GPR135: variants seen among roughly 807,000 people sequenced by gnomAD.
GPR135 encodes G-protein coupled receptor 135.
Under a neutral mutation model 15.0 loss-of-function variants are expected in GPR135, and 17 were observed. That is an observed-to-expected ratio of 1.13 (90% CI 0.78 to 1.70). The LOEUF is 1.70. GPR135 is among the 40% of genes most tolerant of loss of function. The pLI is 0.00. For missense variants in GPR135, 776 were observed against 727.0 expected, an observed-to-expected ratio of 1.07 and a Z score of -0.78; for synonymous variants, 368 against 349.4, an observed-to-expected ratio of 1.05 and a Z score of -0.59.
In GPR135 at chr14:59,464,190, G is replaced by T. The variant is rs751542766; in HGVS notation, c.1037C>A (p.Pro346His). 1.7e-5 allele frequency: 27 copies of T among 1,609,270 alleles called. 1 individual carries two copies. In the South Asian group the frequency reaches 3.0e-4, roughly 18 times the overall value. Residue 346 changes from proline (P) to histidine (H), a missense_variant, in exon 1 of 1, where the codon CCC becomes CAC. Transcript: ENST00000395116. ...GGCCAGCAGCACCAGGAAGCAGTAG[G>T]GCCCCCAGCAGCAGATGACGAAGAC... is the stretch of plus-strand genomic sequence containing the variant. Reference protein sequence around the residue: ...MIVFVICCWGPYCFLVLLAAA... With the variant: ...MIVFVICCWGHYCFLVLLAAA...
rs200520280 is a variant in GPR135 at position 59,463,920 on chromosome 14, T to C, written c.1307A>G (p.Asn436Ser). 2.7e-5 allele frequency: 44 copies of C among 1,614,026 alleles called. No individual in the cohort carries two copies. In the East Asian group the frequency reaches 9.8e-4, roughly 36 times the overall value. ...SRSRLRNRYANRLGACNRMSS... is the reference protein window; with the variant it reads ...SRSRLRNRYASRLGACNRMSS... ...CATCCTGTTGCAGGCCCCCAGCCGG[T>C]TGGCATAGCGGTTTCGAAGGCGACT... The change falls in exon 1 of 1, where the codon AAC (asparagine) becomes AGC (serine). Residue 436 changes from asparagine (N) to serine (S), a missense_variant. Physicochemically the swap from Asn to Ser is conservative, Grantham distance 46. Coordinates refer to ENST00000395116, the MANE Select transcript of GPR135 (RefSeq NM_022571.6).
At position 59,465,125 on chromosome 14, in the gene GPR135, G is replaced by A. The variant is rs111740506; in HGVS notation, c.102C>T (p.Ser34=). 9,013 of 1,379,626 alleles carry A rather than the reference G, an allele frequency of 6.5e-3. 476 individuals are homozygous for A. In the African/African-American group the frequency reaches 0.12, roughly 18 times the overall value. The allele number at this position is 1,379,626 out of a possible 1,614,324, so 85.5% of individuals were successfully genotyped here. ...PSAAGPPGGT[S]SAATAAVLSF... Reference sequence around the variant, plus strand: ...AGAGCACGGCCGCCGTGGCCGCGGAGGAAGTCCCGCCAGGTGGGCCGGCCG... The same window carrying A: ...AGAGCACGGCCGCCGTGGCCGCGGAAGAAGTCCCGCCAGGTGGGCCGGCCG... The change falls in exon 1 of 1, where the codon TCC becomes TCT. Residue 34 remains serine, a synonymous_variant. Transcript: ENST00000395116.
In GPR135 at chr14:59,464,998, C is replaced by T. The variant is rs1259081040; in HGVS notation, c.229G>A (p.Ala77Thr). The stretch of plus-strand genomic sequence containing the variant: ...ACCGCCGCCCCCGCCTCCCGCGCTG[C>T]CCCGGACCCGCCAAGGCCGCCGCCA... ...PGGGGLGGSGAAREAGAAVRR... is the reference protein window; with the variant it reads ...PGGGGLGGSGTAREAGAAVRR... Residue 77 changes from alanine (A) to threonine (T), a missense_variant, in exon 1 of 1, where the codon GCA becomes ACA. Coordinates refer to ENST00000395116, the MANE Select transcript of GPR135 (RefSeq NM_022571.6). The T allele has an allele frequency of 9.3e-6, 13 of 1,394,420 alleles. No individual in the cohort carries two copies. The Admixed American group carries it at 1.0e-4, about 11-fold the overall frequency. The allele number at this position is 1,394,420 out of a possible 1,614,324, so 86.4% of individuals were successfully genotyped here.
In GPR135 at chr14:59,464,424, G is replaced by A. The variant is rs764719290; in HGVS notation, c.803C>T (p.Pro268Leu). Residue 268 changes from proline to leucine, a missense_variant, in exon 1 of 1, where the codon CCG becomes CTG. Coordinates refer to ENST00000395116, the MANE Select transcript of GPR135 (RefSeq NM_022571.6). ...SFHGCLYRTS[P>L]DPAQLGAAFS... The stretch of plus-strand genomic sequence containing the variant: ...GGCCGCGCCCAGCTGCGCGGGGTCC[G>A]GGGAGGTCCGGTAGAGGCAGCCGTG... 1.9e-6 allele frequency: 3 copies of A among 1,579,812 alleles called. No homozygotes were observed. Among genetic ancestry groups the A allele is most frequent in the Admixed American group, 1.8e-5 (1 of 55,576 alleles).
chr14:59,462,589 A>T lies in GPR135; in HGVS notation c.*1153T>A, dbSNP rs1443662297. ...CTATAAAGCAACCATCAGCTATTTT[A>T]AAAAATACAAAATATACCAAATTTC... On this transcript the variant is annotated 3_prime_UTR_variant, in exon 1 of 1. Coordinates refer to ENST00000395116, the MANE Select transcript of GPR135 (RefSeq NM_022571.6). The T allele has an allele frequency of 6.6e-6, 1 of 152,166 alleles. No individual in the cohort carries two copies. The highest frequency in any genetic ancestry group is 1.5e-5 in the Non-Finnish European group (1 of 68,000). 9.4% of individuals were successfully genotyped at this position (152,166 alleles called of 1,614,324 possible).
rs963876329 is a variant in GPR135, at chr14:59,462,415, A to T, written c.*1327T>A. ...ATCTTTTCTGCTAAGATAGAAATTT[A>T]AAAAGCATCTTTGATTTGCATATTT... On this transcript the variant is annotated 3_prime_UTR_variant, in exon 1 of 1. Transcript: ENST00000395116. The T allele has an allele frequency of 7.9e-5, 12 of 152,240 alleles. No individual in the cohort carries two copies. Among genetic ancestry groups the T allele is most frequent in the Non-Finnish European group, 1.8e-4 (12 of 68,028 alleles). The allele number at this position is 152,240 out of a possible 1,614,324, so 9.4% of individuals were successfully genotyped here. A position where few individuals can be genotyped will look rare whatever the true frequency, so the allele number is the denominator to read the frequency against.
Position 59,462,518 on chromosome 14 carries a change from C to T in GPR135, c.*1224G>A, listed in dbSNP as rs1566548181. ...TTTAATACCGTTACATATAGTCCCACACCTATTCTCCCTTTAATAAATACA... is the reference window on the plus strand; with the variant it reads ...TTTAATACCGTTACATATAGTCCCATACCTATTCTCCCTTTAATAAATACA... On this transcript the variant is annotated 3_prime_UTR_variant, in exon 1 of 1. Coordinates refer to ENST00000395116, the MANE Select transcript of GPR135 (RefSeq NM_022571.6). 1.3e-5 allele frequency: 2 copies of T among 152,216 alleles called. No homozygotes were observed. The highest frequency in any genetic ancestry group is 4.1e-4 in the South Asian group (2 of 4,832). 9.4% of individuals were successfully genotyped at this position (152,216 alleles called of 1,614,324 possible).
At position 59,463,844 on chromosome 14, in the gene GPR135, G is replaced by T. The variant is rs201784647; in HGVS notation, c.1383C>A (p.Ala461=). 4.3e-6 allele frequency: 7 copies of T among 1,614,078 alleles called. No individual in the cohort carries two copies. Among genetic ancestry groups the T allele is most frequent in the East Asian group, 4.5e-5 (2 of 44,880 alleles). Residue 461 remains alanine (A), a synonymous_variant, in exon 1 of 1, where the codon GCC becomes GCA. Transcript: ENST00000395116. ...AGAAAAGTACAACTGGATTTTTGCG[G>T]GCCCACATGGCCACGTCCCCTGCCA... is the stretch of plus-strand genomic sequence containing the variant. The part of the protein sequence containing the change: ...SGVAGDVAMW[A]RKNPVVLFCR...
At chr14:59,458,523 G>T (rs1888744494), downstream of GPR135, among the ~76,000 whole-genome samples, 1 of 152,132 alleles carries the variant, frequency 6.6e-6, no homozygotes, top group African/African-American at 2.4e-5. Flanking sequence ...AATAAAATTA[G>T]TTCCTTTGGA....
intron 6 of GPR135, among the ~76,000 whole-genome samples, chr14:59,453,518 G>T (rs1379864070): frequency 6.6e-6 from 1 of 152,190 alleles, no homozygotes; most frequent in Non-Finnish European, 1.5e-5. Flanking sequence ...ATTAACAATG[G>T]TGCCTGGCAG....
In GPR135 at chr14:59,464,561, G is replaced by T. The variant is rs754412213; in HGVS notation, c.666C>A (p.Gly222=). The change falls in exon 1 of 1, where the codon GGC becomes GGA. Residue 222 remains glycine, a synonymous_variant. Coordinates refer to ENST00000395116, the MANE Select transcript of GPR135 (RefSeq NM_022571.6). The stretch of plus-strand genomic sequence containing the variant: ...CCAGCAGCTGCAGCGCGCGGCGGCG[G>T]CCGATCTTCTCCCGCGGCGGCCGCA... ...AIVRPPREKI[G]RRRALQLLAG... The T allele has an allele frequency of 3.7e-5, 58 of 1,569,646 alleles. No homozygotes were observed. Among genetic ancestry groups the T allele is most frequent in the Non-Finnish European group, 4.7e-5 (55 of 1,168,004 alleles).
chr14:59,457,791 GT>G (rs1566545652), downstream of GPR135, among the ~76,000 whole-genome samples: 1 of 152,128 alleles, frequency 6.6e-6, no homozygotes, highest in Non-Finnish European at 1.5e-5. Flanking sequence ...TAAAGAGTTT[GT>G]TAAATTTGCC....
At chr14:59,453,255 T>C (rs1456061965) in intron 6 of GPR135, among the ~76,000 whole-genome samples, 1 of 152,240 alleles carries the variant, frequency 6.6e-6, no homozygotes, top group Non-Finnish European at 1.5e-5. Context: ...TGTGTCATTG[T>C]AGGTTTATTG....
At position 59,464,787 on chromosome 14, in the gene GPR135, AG is replaced by A; in HGVS notation, c.439del (p.Leu147TyrfsTer89). The stretch of plus-strand genomic sequence containing the variant: ...GAGCAGCGCCGTGAGCAGATCCGAT[AG>A]GGACAGCGACAGGATGAAGGCGTTG... ...VTNAFILSLS[L>X]SDLLTALLCL... On this transcript the variant is annotated frameshift_variant, in exon 1 of 1. Coordinates refer to ENST00000395116, the MANE Select transcript of GPR135 (RefSeq NM_022571.6). LOFTEE classifies it high-confidence loss of function. 1 of 1,575,626 alleles carries A rather than the reference AG, an allele frequency of 6.3e-7. No homozygotes were observed.
In GPR135 at chr14:59,465,065, G is replaced by T. The variant is rs1889094518; in HGVS notation, c.162C>A (p.Asn54Lys). 4 of 1,369,220 alleles carry T rather than the reference G, an allele frequency of 2.9e-6. No individual in the cohort carries two copies. In the Admixed American group the frequency reaches 1.2e-4, roughly 42 times the overall value. 84.8% of individuals were successfully genotyped at this position (1,369,220 alleles called of 1,614,324 possible). A position where few individuals can be genotyped will look rare whatever the true frequency, so the allele number is the denominator to read the frequency against. Residue 54 changes from asparagine (N) to lysine (K), a missense_variant, in exon 1 of 1, where the codon AAC becomes AAA. Physicochemically the swap from Asn to Lys is moderately conservative, Grantham distance 94. Coordinates refer to ENST00000395116, the MANE Select transcript of GPR135 (RefSeq NM_022571.6). ...TGCCGCCTCCGCTTGCGTCGCTCAG[G>T]TTCCCCAGCGCCGCGGTCGCCACGG... ...FSTVATAALGNLSDASGGGTA... is the reference protein window; with the variant it reads ...FSTVATAALGKLSDASGGGTA...
At chr14:59,454,044 A>T (rs1311207993) in intron 6 of GPR135, among the ~76,000 whole-genome samples, 2 of 152,162 alleles carry the variant, frequency 1.3e-5, no homozygotes, top group Non-Finnish European at 2.9e-5. Context: ...ACTTGATTGG[A>T]TTGAAGGATA....
rs375222224 is a variant in GPR135 at position 59,464,905 on chromosome 14, G to T, written c.322C>A (p.Leu108Ile). ...SHGAAVAAQA[L>I]VLLLIFLLSS... ...AGCAGGAAGATGAGCAGGAGGACGA[G>T]CGCCTGGGCCGCCACTGCAGCTCCG... is the stretch of plus-strand genomic sequence containing the variant. Residue 108 changes from leucine (L) to isoleucine (I), a missense_variant, in exon 1 of 1, where the codon CTC (leucine) becomes ATC (isoleucine). Transcript: ENST00000395116. 66 of 1,602,244 alleles carry T rather than the reference G, an allele frequency of 4.1e-5. No individual in the cohort carries two copies. In the African/African-American group the frequency reaches 7.1e-4, roughly 17 times the overall value.
In GPR135 at chr14:59,462,232, C is replaced by T. The variant is rs1197835134; in HGVS notation, c.*1510G>A. On this transcript the variant is annotated 3_prime_UTR_variant, in exon 1 of 1. Coordinates refer to ENST00000395116, the MANE Select transcript of GPR135 (RefSeq NM_022571.6). The stretch of plus-strand genomic sequence containing the variant: ...GTCTTTTCATATCTACTGTAAATAA[C>T]TTGTTCAATTAAGGCTATGAAATAC... The T allele has an allele frequency of 1.3e-5, 2 of 152,014 alleles. No homozygotes were observed. The highest frequency in any genetic ancestry group is 2.4e-5 in the African/African-American group (1 of 41,358). The allele number at this position is 152,014 out of a possible 1,614,324, so 9.4% of individuals were successfully genotyped here.
Position 59,464,241 on chromosome 14 carries a change from G to A in GPR135, c.986C>T (p.Thr329Met), listed in dbSNP as rs1299257118. ...RVLRFFSEVR[T>M]ATTVLIMIVF... ...GATCATGATGAGGACGGTGGTGGCC[G>A]TGCGCACCTCGCTGAAGAAGCGCAG... Residue 329 changes from threonine to methionine, a missense_variant, in exon 1 of 1, where the codon ACG becomes ATG. Physicochemically the swap from Thr to Met is moderately conservative, Grantham distance 81 (BLOSUM62 -1). Transcript: ENST00000395116. 1.2e-6 allele frequency: 2 copies of A among 1,611,686 alleles called. No individual in the cohort carries two copies. Among genetic ancestry groups the A allele is most frequent in the Non-Finnish European group, 8.5e-7 (1 of 1,179,910 alleles).
Sources: gnomAD v4.1 joint callset for allele counts (sites outside exome capture counted in the v4.1 genomes callset) on GRCh38, gnomAD v4.1.1 for gene constraint, MANE v1.5 for transcripts, NCBI Gene and HGNC (gene_info 2026-07-23, HGNC 2026-07-21) for gene names.